SLCO1A2: variants seen among roughly 807,000 people sequenced by gnomAD.
The protein encoded by SLCO1A2 is solute carrier organic anion transporter family member 1A2.
SLCO1A2 carries 67 observed loss-of-function variants against 69.0 expected under a neutral mutation model. The ratio of observed to expected loss-of-function variants is 0.97; its 90% CI spans 0.80 to 1.19. The LOEUF is 1.19. SLCO1A2 is among the 50% of genes most tolerant of loss of function. SLCO1A2 has a pLI of 0.00. For synonymous variants in SLCO1A2, 260 were observed against 265.9 expected, an observed-to-expected ratio of 0.98 and a Z score of 0.22; for missense variants, 787 against 793.7, an observed-to-expected ratio of 0.99 and a Z score of 0.10.
intron 1 of SLCO1A2, among the ~76,000 whole-genome samples, chr12:21,410,425 A>T (rs547052989): frequency 3.3e-5 from 5 of 152,276 alleles, no homozygotes; most frequent in South Asian, 4.1e-4. Context: ...CCACATTGTA[A>T]CTATCCATTC....
chr12:21,346,500 T>A (rs1265657491), intron 2 of SLCO1A2, among the ~76,000 whole-genome samples: 1 of 152,086 alleles, frequency 6.6e-6, no homozygotes, highest in Admixed American at 6.6e-5. Flanking sequence ...TATGTGACTT[T>A]ATTTTTAGAA....
chr12:21,273,024 A>C lies in SLCO1A2; in HGVS notation c.1793+1445T>G, dbSNP rs58961766. ...TACAAGACTCATAGGTCAGGGACAA[A>C]GGACTTTTTTTACTCACAACACAGC... is the stretch of plus-strand genomic sequence containing the variant. On this transcript the variant is annotated intron_variant, in intron 14 of 14. Transcript: ENST00000683939. Among the ~76,000 whole-genome samples the C allele has an allele frequency of 1.3e-3, 203 of 152,020 alleles. 1 individual carries two copies. Among genetic ancestry groups the C allele is most frequent in the African/African-American group, 4.6e-3 (191 of 41,474 alleles).
chr12:21,401,940 A>ATAGC (rs1941719754), intron 1 of SLCO1A2, among the ~76,000 whole-genome samples: 1 of 151,640 alleles, frequency 6.6e-6, no homozygotes, highest in Non-Finnish European at 1.5e-5. Flanking sequence ...CAGAGAAAGT[A>ATAGC]TAGCTTCTTT....
intron 12 of SLCO1A2, among the ~76,000 whole-genome samples, chr12:21,288,609 G>C (rs1002992674): frequency 6.6e-6 from 1 of 152,076 alleles, no homozygotes; most frequent in Admixed American, 6.5e-5. Context: ...TAGTGTATTA[G>C]AGTGACTATA....
intron 2 of SLCO1A2, among the ~76,000 whole-genome samples, chr12:21,327,408 C>A (rs1408769495): frequency 6.6e-6 from 1 of 152,166 alleles, no homozygotes; most frequent in Non-Finnish European, 1.5e-5. Context: ...CCACCATCCT[C>A]CAGATCCCAG....
At chr12:21,286,661 GAT>G (rs1420468838) in intron 12 of SLCO1A2, among the ~76,000 whole-genome samples, 1 of 127,668 alleles carries the variant, frequency 7.8e-6, no homozygotes, top group Non-Finnish European at 1.6e-5. Flanking sequence ...CCAAAACAGA[GAT>G]ATAGATCAAT....
chr12:21,392,972 A>C (rs1941235048), intron 1 of SLCO1A2, among the ~76,000 whole-genome samples: 1 of 152,154 alleles, frequency 6.6e-6, no homozygotes, highest in Admixed American at 6.5e-5. Flanking sequence ...AAAAGGAAGG[A>C]CTTATCTCTC....
chr12:21,417,305 T>G (rs1304835970), intron 1 of SLCO1A2, among the ~76,000 whole-genome samples: 5 of 151,760 alleles, frequency 3.3e-5, no homozygotes, highest in African/African-American at 1.2e-4. Context: ...GAATACTGAT[T>G]TAATCAAAAT....
chr12:21,319,237 C>A, intron 2 of SLCO1A2: 1 of 872,906 alleles, frequency 1.1e-6, no homozygotes. Context: ...TTCAGAGCTA[C>A]AATGATATCT....
intron 2 of SLCO1A2, among the ~76,000 whole-genome samples, chr12:21,364,452 G>C (rs1031839799): frequency 2.0e-5 from 3 of 152,108 alleles, no homozygotes; most frequent in Non-Finnish European, 4.4e-5. Flanking sequence ...TACTGAATGG[G>C]CAAAAACTGG....
chr12:21,312,399 C>G (rs1054680785), intron 4 of SLCO1A2, among the ~76,000 whole-genome samples: 1 of 152,186 alleles, frequency 6.6e-6, no homozygotes. Flanking sequence ...ATCTTCTGTT[C>G]AGACTACTCA....
rs57067716 is a variant in SLCO1A2 at position 21,309,675 on chromosome 12, G to A, written c.336-2687C>T. Reference sequence around the variant, plus strand: ...TTTCTCTTGTATACTTTCTTGGAAAGCTACTAGATTATTTCCTTCACAAAA... The same window carrying A: ...TTTCTCTTGTATACTTTCTTGGAAAACTACTAGATTATTTCCTTCACAAAA... On this transcript the variant is annotated intron_variant, in intron 4 of 14. Transcript: ENST00000683939. Among the ~76,000 whole-genome samples, 858 of 152,218 alleles carry A rather than the reference G, an allele frequency of 5.6e-3. 13 individuals carry two copies. Among genetic ancestry groups the A allele is most frequent in the African/African-American group, 0.02 (821 of 41,534 alleles).
intron 12 of SLCO1A2, among the ~76,000 whole-genome samples, chr12:21,278,438 C>T (rs569188802): frequency 5.7e-4 from 86 of 152,190 alleles, no homozygotes; most frequent in Middle Eastern, 6.8e-3. Context: ...TTGGGTGAGA[C>T]TAGTGCTGTG....
intron 2 of SLCO1A2, among the ~76,000 whole-genome samples, chr12:21,320,439 C>T (rs1284088634): frequency 1.3e-5 from 2 of 152,080 alleles, no homozygotes; most frequent in Non-Finnish European, 1.5e-5. Flanking sequence ...TTCCCATTTT[C>T]GAGATTCTAA....
At chr12:21,362,086 A>T (rs1181360055) in intron 2 of SLCO1A2, among the ~76,000 whole-genome samples, 1 of 152,162 alleles carries the variant, frequency 6.6e-6, no homozygotes, top group Non-Finnish European at 1.5e-5. Context: ...TCCAAGACAC[A>T]TAATTGTCAG....
At chr12:21,373,232 C>T (rs187219952) in intron 2 of SLCO1A2, 137 of 750,328 alleles carry the variant, frequency 1.8e-4, no homozygotes, top group South Asian at 4.9e-4. Context: ...TTGTAAATTA[C>T]GTTTTAAAAA....
chr12:21,373,562 T>G lies in SLCO1A2; in HGVS notation c.-63+837A>C, dbSNP rs1032048961. On this transcript the variant is annotated intron_variant, in intron 2 of 15. Transcript: ENST00000307378. ...TACTTAAGAACAGTACCTTCAGCTA[T>G]TCCATTGTTCCTTGAATTCTGTGTT... The G allele has an allele frequency of 4.2e-6, 3 of 720,098 alleles. No individual in the cohort carries two copies. In the South Asian group the frequency reaches 4.4e-5, roughly 11 times the overall value. The allele number at this position is 720,098 out of a possible 1,614,324, so 44.6% of individuals were successfully genotyped here. A position where few individuals can be genotyped will look rare whatever the true frequency, so the allele number is the denominator to read the frequency against.
chr12:21,392,167 C>A (rs1328019712), intron 1 of SLCO1A2, among the ~76,000 whole-genome samples: 3 of 152,170 alleles, frequency 2.0e-5, no homozygotes, highest in Non-Finnish European at 4.4e-5. Context: ...AAATGCATCG[C>A]CTCTGACTAA....
upstream of SLCO1A2, chr12:21,334,936 T>C (rs1393970823): frequency 1.8e-5 from 5 of 274,914 alleles, no homozygotes; most frequent in African/African-American, 2.2e-5. Flanking sequence ...TTTAGTGAGA[T>C]TAAAGATATT....
Sources: allele counts gnomAD v4.1 joint callset (sites outside exome capture counted in the v4.1 genomes callset), GRCh38; gene constraint gnomAD v4.1.1; transcripts MANE v1.5; gene names NCBI Gene and HGNC (gene_info 2026-07-23, HGNC 2026-07-21).